The following ADHFE1 variants were observed in gnomAD, a reference collection of about 807,000 sequenced individuals.
ADHFE1 encodes hydroxyacid-oxoacid transhydrogenase, mitochondrial.
Under a neutral mutation model 54.8 loss-of-function variants are expected in ADHFE1, and 37 were observed. The observed-to-expected ratio is 0.68, with a 90% CI of 0.52 to 0.89. ADHFE1 has a LOEUF of 0.89. Ranked by LOEUF, ADHFE1 falls within the 40% of genes least tolerant of loss-of-function variation. The probability of loss-of-function intolerance (pLI) is 0.00; values close to 1 mark genes in which losing one functional copy is unlikely to be tolerated. For missense variants in ADHFE1, 601 were observed against 591.2 expected (o/e 1.02, Z -0.17); for synonymous variants, 203 against 229.3 (o/e 0.89, Z 1.04).
chr8:66,438,347 G>A (rs1805569201), intron 1 of ADHFE1, among the ~76,000 whole-genome samples: 1 of 152,098 alleles, frequency 6.6e-6, no homozygotes, highest in Non-Finnish European at 1.5e-5. Context: ...GGAGGAGGAA[G>A]GGTCAGAATG....
intron 13 of ADHFE1, among the ~76,000 whole-genome samples, chr8:66,464,277 C>T (rs1318170382): frequency 2.0e-5 from 3 of 152,118 alleles, no homozygotes; most frequent in Non-Finnish European, 4.4e-5. Flanking sequence ...ATATCACAAA[C>T]TTTATGTCCT....
In ADHFE1 at chr8:66,465,587, G is replaced by T. The variant is rs145655143; in HGVS notation, c.1321-2682G>T. ...TTGAGCTGTTTGAGGTTTTTTGTTG[G>T]TGAGTTGCAAGAATAATTTTTTTCT... On this transcript the variant is annotated intron_variant, in intron 13 of 13. Coordinates refer to ENST00000396623, the MANE Select transcript of ADHFE1 (RefSeq NM_144650.3). 2.0e-5 allele frequency among the ~76,000 whole-genome samples: 3 copies of T among 152,164 alleles called. No homozygotes were observed. The East Asian group carries it at 5.8e-4, about 29-fold the overall frequency.
chr8:66,453,144 C>T (rs1223776428), intron 9 of ADHFE1, among the ~76,000 whole-genome samples: 1 of 152,162 alleles, frequency 6.6e-6, no homozygotes, highest in Admixed American at 6.6e-5. Context: ...GGGACAGAGG[C>T]TTGGCAGTGG....
intron 13 of ADHFE1, among the ~76,000 whole-genome samples, chr8:66,463,610 G>A (rs1272840922): frequency 4.6e-5 from 5 of 108,374 alleles, no homozygotes; most frequent in Non-Finnish European, 1.1e-4. Context: ...ATGGAATTTT[G>A]TTTGTTTGTT....
At position 66,445,209 on chromosome 8, in the gene ADHFE1, T is replaced by A; in HGVS notation, c.354-9T>A. 1 of 1,584,600 alleles carries A rather than the reference T, an allele frequency of 6.3e-7. No homozygotes were observed. The highest frequency in any genetic ancestry group is 8.5e-7 in the Non-Finnish European group (1 of 1,169,942). On this transcript the variant is annotated splice_polypyrimidine_tract_variant and intron_variant, in intron 5 of 13. Coordinates refer to ENST00000396623, the MANE Select transcript of ADHFE1 (RefSeq NM_144650.3). ...ATAACATACTGGTTTTTATTTTCTC[T>A]TCTCCAAGCTTCATGGAAGCTATTG...
chr8:66,448,045 G>A (rs988120889), intron 7 of ADHFE1, among the ~76,000 whole-genome samples: 1 of 152,116 alleles, frequency 6.6e-6, no homozygotes, highest in Non-Finnish European at 1.5e-5. Context: ...GTTTCCTCAT[G>A]CTCCGTCCCA....
intron 12 of ADHFE1, among the ~76,000 whole-genome samples, chr8:66,457,825 T>C (rs973748697): frequency 6.6e-6 from 1 of 152,194 alleles, no homozygotes; most frequent in Non-Finnish European, 1.5e-5. Context: ...ATAATTATTT[T>C]TATATTTTTA....
At chr8:66,463,543 G>A (rs1025839497) in intron 13 of ADHFE1, among the ~76,000 whole-genome samples, 3 of 152,164 alleles carry the variant, frequency 2.0e-5, no homozygotes, top group African/African-American at 7.2e-5. Context: ...CAGATCGATA[G>A]GACTTTGGTA....
chr8:66,444,507 A>G (rs1181403484), intron 4 of ADHFE1, 87 bp downstream of exon 4: 9 of 1,606,780 alleles, frequency 5.6e-6, no homozygotes, highest in South Asian at 1.1e-5. Context: ...CACATCCTCT[A>G]TTTTTAAAAA....
intron 10 of ADHFE1, among the ~76,000 whole-genome samples, chr8:66,454,753 G>A (rs1451726737): frequency 6.7e-6 from 1 of 148,412 alleles, no homozygotes; most frequent in Non-Finnish European, 1.5e-5. Context: ...TCACTCTGTT[G>A]TCCAGACTGG....
At chr8:66,453,821 T>A in intron 9 of ADHFE1, 1 of 1,452,670 alleles carries the variant, frequency 6.9e-7, no homozygotes, top group Non-Finnish European at 9.3e-7. Flanking sequence ...CGCTTTTACA[T>A]CACATGAGCA....
rs1806635952 is a variant in ADHFE1 at position 66,457,270 on chromosome 8, G to A, written c.1162+104G>A. ...AAGTTGGGTGCATCACTTGAGCCCA[G>A]GAGTTCAAGACCAGCCTGGGCAACA... is the stretch of plus-strand genomic sequence containing the variant. On this transcript the variant is annotated intron_variant, in intron 12 of 13. Coordinates refer to ENST00000396623, the MANE Select transcript of ADHFE1 (RefSeq NM_144650.3). The A allele has an allele frequency of 6.7e-6, 7 of 1,049,742 alleles. No individual in the cohort carries two copies. In the East Asian group the frequency reaches 1.7e-4, roughly 26 times the overall value. 65.0% of individuals were successfully genotyped at this position (1,049,742 alleles called of 1,614,324 possible). A position where few individuals can be genotyped will look rare whatever the true frequency, so the allele number is the denominator to read the frequency against.
At chr8:66,461,395 C>T (rs1003006459) in intron 13 of ADHFE1, among the ~76,000 whole-genome samples, 2 of 152,148 alleles carry the variant, frequency 1.3e-5, no homozygotes, top group African/African-American at 2.4e-5. Context: ...CAGCAGCCTG[C>T]TTGCCACAAG....
At chr8:66,443,967 T>C (rs976016176) in intron 3 of ADHFE1, among the ~76,000 whole-genome samples, 1 of 151,398 alleles carries the variant, frequency 6.6e-6, no homozygotes, top group South Asian at 2.1e-4. Context: ...ATAGTTGAGT[T>C]ACCAGAGCCT....
chr8:66,448,427 A>G (rs973752227), intron 7 of ADHFE1, among the ~76,000 whole-genome samples: 5 of 152,236 alleles, frequency 3.3e-5, no homozygotes, highest in Non-Finnish European at 7.3e-5. Flanking sequence ...ATTATAGTCT[A>G]ATCTTACAGA....
At chr8:66,458,201 G>A (rs1408335144) in intron 12 of ADHFE1, among the ~76,000 whole-genome samples, 1 of 152,202 alleles carries the variant, frequency 6.6e-6, no homozygotes, top group Non-Finnish European at 1.5e-5. Flanking sequence ...CGCCACTTGT[G>A]TTTAGTTAGG....
intron 3 of ADHFE1, among the ~76,000 whole-genome samples, chr8:66,443,737 C>T (rs971958363): frequency 1.3e-5 from 2 of 151,740 alleles, no homozygotes; most frequent in East Asian, 1.9e-4. Context: ...AATGCATTCC[C>T]AGTTTGCTGG....
intron 1 of ADHFE1, 66 bp downstream of exon 1, chr8:66,432,641 C>CCGCTCAGATCCTG (rs1805258807): frequency 8.0e-7 from 1 of 1,252,722 alleles, no homozygotes; most frequent in East Asian, 3.1e-5. Flanking sequence ...TGGGTGTGAC[C>CCGCTCAGATCCTG]CGCTCAGATC....
At chr8:66,435,009 C>G (rs1408500998) in intron 1 of ADHFE1, among the ~76,000 whole-genome samples, 2 of 152,138 alleles carry the variant, frequency 1.3e-5, no homozygotes, top group African/African-American at 2.4e-5. Flanking sequence ...CAATGCAGCC[C>G]TGCTTTGACT....
Sources: gnomAD v4.1 joint callset for allele counts (sites outside exome capture counted in the v4.1 genomes callset) on GRCh38, gnomAD v4.1.1 for gene constraint, MANE v1.5 for transcripts, NCBI Gene and HGNC (gene_info 2026-07-23, HGNC 2026-07-21) for gene names.